The following MEGF11 variants were observed in gnomAD, a reference collection of about 807,000 sequenced individuals.
MEGF11 encodes the protein multiple epidermal growth factor-like domains protein 11.
In MEGF11, 126 loss-of-function variants were observed where a neutral mutation model predicts 146.6. The observed-to-expected ratio is 0.86, with a 90% CI of 0.74 to 1.00. MEGF11 has a LOEUF of 1.00. MEGF11 is among the 50% of genes least tolerant of loss of function. The pLI, the probability that MEGF11 is intolerant of heterozygous loss-of-function variation, is 0.00. For synonymous variants in MEGF11, 532 were observed against 583.4 expected, an observed-to-expected ratio of 0.91 and a Z score of 1.27; for missense variants, 1,509 against 1,521.2, an observed-to-expected ratio of 0.99 and a Z score of 0.13.
At chr15:65,936,924 G>C (rs1421394675) in intron 10 of MEGF11, among the ~76,000 whole-genome samples, 2 of 152,180 alleles carry the variant, frequency 1.3e-5, no homozygotes, top group Non-Finnish European at 2.9e-5. Context: ...AGAAAGGAAA[G>C]CCAGGAGATC....
At chr15:66,246,308 T>C (rs2092295820) in intron 1 of MEGF11, among the ~76,000 whole-genome samples, 1 of 152,004 alleles carries the variant, frequency 6.6e-6, no homozygotes, top group Admixed American at 6.6e-5. Flanking sequence ...GATGCTTGAG[T>C]ATTGCAAGCA....
chr15:66,039,384 T>G (rs1426199094), intron 5 of MEGF11, among the ~76,000 whole-genome samples: 1 of 152,172 alleles, frequency 6.6e-6, no homozygotes, highest in Non-Finnish European at 1.5e-5. Context: ...CAGCCTAACT[T>G]CAGCCTGGGG....
intron 1 of MEGF11, among the ~76,000 whole-genome samples, chr15:66,156,837 G>A (rs1404189868): frequency 1.3e-5 from 2 of 152,144 alleles, no homozygotes; most frequent in Non-Finnish European, 2.9e-5. Context: ...CCTCTGTACT[G>A]AGAGAACAGA....
At chr15:66,100,079 G>T (rs541960937) in intron 4 of MEGF11, among the ~76,000 whole-genome samples, 70 of 117,950 alleles carry the variant, frequency 5.9e-4, no homozygotes, top group African/African-American at 1.6e-3. Context: ...GTTGCGCTTT[G>T]GGGGGGAAAT....
At chr15:66,104,714 G>C (rs753202173) in intron 4 of MEGF11, among the ~76,000 whole-genome samples, 10 of 152,196 alleles carry the variant, frequency 6.6e-5, no homozygotes, top group Non-Finnish European at 1.5e-4. Context: ...ACCCAAGGGA[G>C]GTGGAATCCT....
chr15:66,002,458 G>C (rs111546226), intron 5 of MEGF11, among the ~76,000 whole-genome samples: 1 of 152,192 alleles, frequency 6.6e-6, no homozygotes, highest in Admixed American at 6.5e-5. Context: ...TCACTACTGT[G>C]GGGGCCTGGC....
At chr15:65,912,251 G>T in intron 20 of MEGF11, 51 bp from the exon 21 acceptor site, 2 of 1,092,670 alleles carry the variant, frequency 1.8e-6, no homozygotes, top group South Asian at 4.7e-5. Context: ...CCCCTGGCAT[G>T]AGATACCCCC....
chr15:65,947,230 C>G (rs1033134543), intron 10 of MEGF11, among the ~76,000 whole-genome samples: 1 of 151,730 alleles, frequency 6.6e-6, no homozygotes, highest in African/African-American at 2.4e-5. Flanking sequence ...ATGGAATTAT[C>G]GGCACTAATG....
intron 1 of MEGF11, among the ~76,000 whole-genome samples, chr15:66,155,912 T>C (rs2089739660): frequency 6.6e-6 from 1 of 152,200 alleles, no homozygotes; most frequent in Admixed American, 6.5e-5. Context: ...TTACCCCTTT[T>C]CCAGGCATGT....
intron 5 of MEGF11, among the ~76,000 whole-genome samples, chr15:66,029,841 G>T (rs531675075): frequency 2.6e-5 from 4 of 152,116 alleles, no homozygotes; most frequent in Non-Finnish European, 4.4e-5. Context: ...TCCCTCCTGC[G>T]CTCCTCTAGG....
At chr15:66,080,430 C>T (rs1384726348) in intron 5 of MEGF11, among the ~76,000 whole-genome samples, 2 of 152,172 alleles carry the variant, frequency 1.3e-5, no homozygotes, top group African/African-American at 2.4e-5. Context: ...CATCCAGGTC[C>T]CCCTCCCATA....
At position 65,900,170 on chromosome 15, in the gene MEGF11, A is replaced by C. The variant is rs539836894; in HGVS notation, c.3056-1236T>G. Reference sequence around the variant, plus strand: ...AGCACTGAGCTGCTTGAGTTGATAGAAGTGATCTAAAAGGCGTCTCAGCAC... The same window carrying C: ...AGCACTGAGCTGCTTGAGTTGATAGCAGTGATCTAAAAGGCGTCTCAGCAC... On this transcript the variant is annotated intron_variant, in intron 24 of 25. Coordinates refer to ENST00000395614, the MANE Select transcript of MEGF11 (RefSeq NM_001385028.1). 2.0e-5 allele frequency among the ~76,000 whole-genome samples: 3 copies of C among 152,320 alleles called. No homozygotes were observed. In the East Asian group the frequency reaches 5.8e-4, roughly 29 times the overall value.
intron 4 of MEGF11, among the ~76,000 whole-genome samples, chr15:66,108,026 A>G (rs1438663437): frequency 6.6e-6 from 1 of 152,198 alleles, no homozygotes; most frequent in Non-Finnish European, 1.5e-5. Context: ...CTGAGTTTTC[A>G]AGGACCAGTA....
intron 10 of MEGF11, among the ~76,000 whole-genome samples, chr15:65,946,184 C>T (rs1373376391): frequency 6.6e-6 from 1 of 152,180 alleles, no homozygotes. Flanking sequence ...CTATGATTTA[C>T]CTACTCTGTG....
rs979679864 is a variant in MEGF11, at chr15:65,992,459, G to GC, written c.395-9972_395-9971insG. ...CCTCTGTGTGTGTGTGTGGGGGGGG[G>GC]GGTTAGTCACATCCTGAGGCACTAT... On this transcript the variant is annotated intron_variant, in intron 5 of 25. Coordinates refer to ENST00000395614, the MANE Select transcript of MEGF11 (RefSeq NM_001385028.1). 6.0e-4 allele frequency among the ~76,000 whole-genome samples: 87 copies of GC among 145,722 alleles called. 1 individual carries two copies. Among genetic ancestry groups the GC allele is most frequent in the African/African-American group, 2.1e-3 (85 of 39,928 alleles).
At chr15:66,021,775 G>A (rs1439354375) in intron 5 of MEGF11, among the ~76,000 whole-genome samples, 1 of 152,228 alleles carries the variant, frequency 6.6e-6, no homozygotes, top group Non-Finnish European at 1.5e-5. Context: ...CTCAGGATGG[G>A]GAGGGGAGCC....
chr15:66,123,842 CA>C (rs1219156429), intron 3 of MEGF11, 56 bp downstream of exon 3: 13 of 1,445,026 alleles, frequency 9.0e-6, no homozygotes, highest in Non-Finnish European at 1.2e-5. Flanking sequence ...TGCACAGAGG[CA>C]AGCCCTGAGA....
intron 3 of MEGF11, among the ~76,000 whole-genome samples, chr15:66,120,328 G>A (rs1403423228): frequency 6.6e-6 from 1 of 152,236 alleles, no homozygotes; most frequent in Non-Finnish European, 1.5e-5. Flanking sequence ...AGACTAGAGA[G>A]AGGAAGTGAC....
At chr15:66,127,428 C>G (rs1006552741) in intron 2 of MEGF11, among the ~76,000 whole-genome samples, 1 of 152,208 alleles carries the variant, frequency 6.6e-6, no homozygotes, top group Non-Finnish European at 1.5e-5. Context: ...GGCTGAGGTG[C>G]CTTTCCCTGC....
Sources: allele counts gnomAD v4.1 joint callset (sites outside exome capture counted in the v4.1 genomes callset), GRCh38; gene constraint gnomAD v4.1.1; transcripts MANE v1.5; gene names NCBI Gene and HGNC (gene_info 2026-07-23, HGNC 2026-07-21).